The following PPM1H variants were observed in gnomAD, a reference collection of about 807,000 sequenced individuals.
The protein encoded by PPM1H is protein phosphatase, Mg2+/Mn2+ dependent 1H, also known as protein phosphatase 1H.
A neutral mutation model predicts 54.9 loss-of-function variants in PPM1H; 27 were observed. The observed-to-expected ratio is 0.49, with a 90% CI of 0.36 to 0.68. The LOEUF (loss-of-function observed/expected upper bound fraction) is 0.68. Ranked by LOEUF, PPM1H falls within the 30% of genes least tolerant of loss-of-function variation. The pLI, the probability that PPM1H is intolerant of heterozygous loss-of-function variation, is 0.00. For synonymous variants in PPM1H, 305 were observed against 270.8 expected (o/e 1.13, Z -1.24); for missense variants, 596 against 667.8 (o/e 0.89, Z 1.19).
At chr12:62,887,998 G>T (rs549605479) in intron 1 of PPM1H, among the ~76,000 whole-genome samples, 1 of 152,156 alleles carries the variant, frequency 6.6e-6, no homozygotes, top group African/African-American at 2.4e-5. Context: ...AAGCATGAGC[G>T]ACATGATCTG....
At chr12:62,784,241 C>A (rs929495814) in intron 4 of PPM1H, among the ~76,000 whole-genome samples, 1 of 152,150 alleles carries the variant, frequency 6.6e-6, no homozygotes, top group Non-Finnish European at 1.5e-5. Flanking sequence ...ATCAGGTACT[C>A]GCGTCACTGT....
At position 62,896,516 on chromosome 12, in the gene PPM1H, C is replaced by T. The variant is rs553005100; in HGVS notation, c.245+37976G>A. On this transcript the variant is annotated intron_variant, in intron 1 of 9. Transcript: ENST00000228705. ...ATGAAAAAATGCTCATCATCACTGGCCATCAGAGAAATGCAAATCAAAACC... is the reference window on the plus strand; with the variant it reads ...ATGAAAAAATGCTCATCATCACTGGTCATCAGAGAAATGCAAATCAAAACC... Among the ~76,000 whole-genome samples, 137 of 152,224 alleles carry T rather than the reference C, an allele frequency of 9.0e-4. 1 individual carries two copies. Among genetic ancestry groups the T allele is most frequent in the Admixed American group, 2.6e-3 (39 of 15,292 alleles).
chr12:62,909,235 C>T (rs892795514), intron 1 of PPM1H, among the ~76,000 whole-genome samples: 8 of 152,288 alleles, frequency 5.3e-5, no homozygotes, highest in South Asian at 2.1e-4. Context: ...ATCTTATACC[C>T]GGAGTAATGC....
At chr12:62,786,947 G>T (rs1204560303) in intron 4 of PPM1H, among the ~76,000 whole-genome samples, 2 of 151,944 alleles carry the variant, frequency 1.3e-5, no homozygotes, top group Non-Finnish European at 2.9e-5. Flanking sequence ...ATATATATAC[G>T]TTTATGTCAC....
chr12:62,713,963 G>A (rs1425842557), intron 6 of PPM1H, among the ~76,000 whole-genome samples: 4 of 151,738 alleles, frequency 2.6e-5, no homozygotes, highest in Middle Eastern at 3.4e-3. Flanking sequence ...GTGAGACCCT[G>A]TCTTTAAAAA....
At chr12:62,813,471 A>G (rs2076847743) in intron 2 of PPM1H, among the ~76,000 whole-genome samples, 1 of 152,234 alleles carries the variant, frequency 6.6e-6, no homozygotes, top group African/African-American at 2.4e-5. Flanking sequence ...GTGCTCTTCC[A>G]TGCCTGTTAG....
intron 9 of PPM1H, among the ~76,000 whole-genome samples, chr12:62,658,506 C>T (rs774524186): frequency 6.6e-6 from 1 of 152,104 alleles, no homozygotes; most frequent in Non-Finnish European, 1.5e-5. Context: ...TCCAGCCTTA[C>T]AGAGGGGACA....
At chr12:62,803,658 G>T (rs1046968654) in intron 2 of PPM1H, among the ~76,000 whole-genome samples, 1 of 152,130 alleles carries the variant, frequency 6.6e-6, no homozygotes, top group Admixed American at 6.6e-5. Flanking sequence ...ATTTAGATAT[G>T]ATACCCAAAG....
chr12:62,683,479 A>G lies in PPM1H; in HGVS notation c.1245+6220T>C, dbSNP rs117097709. On this transcript the variant is annotated intron_variant, in intron 8 of 9. Transcript: ENST00000228705. ...ACACTGGTGCTGGGTTGGAATTCAGATACTACAGTCTAAGGTCTTTGTTCT... is the reference window on the plus strand; with the variant it reads ...ACACTGGTGCTGGGTTGGAATTCAGGTACTACAGTCTAAGGTCTTTGTTCT... Among the ~76,000 whole-genome samples, 27 of 152,312 alleles carry G rather than the reference A, an allele frequency of 1.8e-4. No individual in the cohort carries two copies. The East Asian group carries it at 3.7e-3, about 21-fold the overall frequency.
intron 4 of PPM1H, among the ~76,000 whole-genome samples, chr12:62,776,429 T>C (rs960374289): frequency 1.3e-5 from 2 of 152,236 alleles, no homozygotes; most frequent in Admixed American, 6.5e-5. Flanking sequence ...TTGCTCATTA[T>C]CTGTCTTTCC....
chr12:62,795,114 T>C (rs1290061896), intron 3 of PPM1H, among the ~76,000 whole-genome samples: 1 of 152,176 alleles, frequency 6.6e-6, no homozygotes, highest in Non-Finnish European at 1.5e-5. Flanking sequence ...CCCCAAGCTG[T>C]GCCAGGCAAC....
chr12:62,809,624 G>C (rs1010144250), intron 2 of PPM1H, among the ~76,000 whole-genome samples: 1 of 152,200 alleles, frequency 6.6e-6, no homozygotes, highest in African/African-American at 2.4e-5. Context: ...TGAAGGTGAT[G>C]CTTTTAAAGC....
At chr12:62,819,922 G>C (rs966422334) in intron 2 of PPM1H, among the ~76,000 whole-genome samples, 4 of 152,204 alleles carry the variant, frequency 2.6e-5, no homozygotes, top group African/African-American at 9.7e-5. Context: ...ATTGGGACTG[G>C]TTGGACAGTG....
At chr12:62,893,022 G>A (rs1870854051) in intron 1 of PPM1H, among the ~76,000 whole-genome samples, 1 of 152,220 alleles carries the variant, frequency 6.6e-6, no homozygotes, top group Admixed American at 6.5e-5. Context: ...GTATTAAGAA[G>A]CTTGGGCTAC....
At chr12:62,664,584 T>C (rs921445150) in intron 9 of PPM1H, among the ~76,000 whole-genome samples, 9 of 152,236 alleles carry the variant, frequency 5.9e-5, no homozygotes, top group African/African-American at 2.2e-4. Flanking sequence ...TTGTACGCTA[T>C]TTTTATGCAA....
chr12:62,861,626 C>G (rs572826177), intron 1 of PPM1H, among the ~76,000 whole-genome samples: 96 of 152,322 alleles, frequency 6.3e-4, no homozygotes, highest in African/African-American at 2.1e-3. Flanking sequence ...AATTCCAGAA[C>G]AGAAGCCATA....
chr12:62,729,409 G>A (rs190695251), intron 5 of PPM1H, among the ~76,000 whole-genome samples: 1 of 152,306 alleles, frequency 6.6e-6, no homozygotes, highest in African/African-American at 2.4e-5. Context: ...ACCAAAGATG[G>A]CCCCTCCTGC....
At chr12:62,891,674 G>A (rs1377313529) in intron 1 of PPM1H, among the ~76,000 whole-genome samples, 1 of 152,126 alleles carries the variant, frequency 6.6e-6, no homozygotes, top group Non-Finnish European at 1.5e-5. Flanking sequence ...ACGACAGAGG[G>A]CCTTTAGAAT....
intron 4 of PPM1H, chr12:62,755,219 AC>A: frequency 1.5e-6 from 1 of 682,644 alleles, no homozygotes; most frequent in South Asian, 1.4e-5. Flanking sequence ...CATCCCTGAG[AC>A]ACTACGGTGA....
Sources: allele counts gnomAD v4.1 joint callset (sites outside exome capture counted in the v4.1 genomes callset), GRCh38; gene constraint gnomAD v4.1.1; transcripts MANE v1.5; gene names NCBI Gene and HGNC (gene_info 2026-07-23, HGNC 2026-07-21).